PCDHGA3: variants seen among roughly 807,000 people sequenced by gnomAD.
PCDHGA3 encodes protocadherin gamma-A3.
PCDHGA3 carries 40 observed loss-of-function variants against 58.5 expected under a neutral mutation model. The ratio of observed to expected loss-of-function variants is 0.68; its 90% confidence interval spans 0.53 to 0.89. The LOEUF is 0.89. Among genes scored for constraint, PCDHGA3 ranks in the 40% least tolerant of loss-of-function variants. The pLI, the probability that PCDHGA3 is intolerant of heterozygous loss-of-function variation, is 0.00. For missense variants in PCDHGA3, 1,223 were observed against 1,195.9 expected (o/e 1.02, Z -0.33); for synonymous variants, 530 against 525.7 (o/e 1.01, Z -0.11).
rs1269856662 is a variant in PCDHGA3, at chr5:141,375,833, C to A, written c.2424+29376C>A. On this transcript the variant is annotated intron_variant, in intron 1 of 3. Coordinates refer to ENST00000253812, the MANE Select transcript of PCDHGA3 (RefSeq NM_018916.4). The stretch of plus-strand genomic sequence containing the variant: ...GGAGCTGGCGCCCCGCTCCGCAGAG[C>A]CCGGCTACCTGGTGACCAAGGTGGT... 6.2e-7 allele frequency: 1 copy of A among 1,614,034 alleles called. No homozygotes were observed. Among genetic ancestry groups the A allele is most frequent in the Non-Finnish European group, 8.5e-7 (1 of 1,180,048 alleles).
chr5:141,419,715 TG>T (rs754309862), intron 1 of PCDHGA3: 1 of 1,613,288 alleles, frequency 6.2e-7, no homozygotes, highest in South Asian at 1.1e-5. Flanking sequence ...CTCTTCAGCC[TG>T]GGGCTGCGAA....
At chr5:141,356,481 G>A in intron 1 of PCDHGA3, 1 of 1,613,916 alleles carries the variant, frequency 6.2e-7, no homozygotes, top group Non-Finnish European at 8.5e-7. Context: ...CCACTGACCA[G>A]GGAACTCCTC....
intron 1 of PCDHGA3, chr5:141,408,748 T>A (rs757813921): frequency 2.5e-6 from 4 of 1,608,714 alleles, no homozygotes; most frequent in Non-Finnish European, 3.4e-6. Flanking sequence ...CATTAATGGT[T>A]AGAGTTAATT....
chr5:141,489,830 A>G lies in PCDHGA3; in HGVS notation c.2425-4977A>G, dbSNP rs760376311. On this transcript the variant is annotated intron_variant, in intron 1 of 3. Coordinates refer to ENST00000253812, the MANE Select transcript of PCDHGA3 (RefSeq NM_018916.4). The surrounding 1 kb of genome is among the most constrained non-coding windows in gnomAD (Gnocchi z 4.5). ...AAGCCATTCCCAGAGCTGGTGCTAG[A>G]GCAGCAGCTGGATCGTGAAGCCCAG... 1.9e-6 allele frequency: 3 copies of G among 1,614,200 alleles called. No individual in the cohort carries two copies. Among genetic ancestry groups the G allele is most frequent in the East Asian group, 2.2e-5 (1 of 44,878 alleles).
chr5:141,489,991 A>G lies in PCDHGA3; in HGVS notation c.2425-4816A>G, dbSNP rs1157441385. On this transcript the variant is annotated intron_variant, in intron 1 of 3. Coordinates refer to ENST00000253812, the MANE Select transcript of PCDHGA3 (RefSeq NM_018916.4). The surrounding 1 kb of genome is among the most constrained non-coding windows in gnomAD (Gnocchi z 4.5). Reference sequence around the variant, plus strand: ...CCAATCCTCAGTTCTACGTGTGGGAATCCCAGAGAATGCACCCATTGGTAC... The same window carrying G: ...CCAATCCTCAGTTCTACGTGTGGGAGTCCCAGAGAATGCACCCATTGGTAC... The G allele has an allele frequency of 6.2e-7, 1 of 1,614,228 alleles. No individual in the cohort carries two copies. Among genetic ancestry groups the G allele is most frequent in the South Asian group, 1.1e-5 (1 of 91,090 alleles).
intron 1 of PCDHGA3, among the ~76,000 whole-genome samples, chr5:141,488,839 G>A (rs954244872): frequency 2.6e-5 from 4 of 152,206 alleles, no homozygotes; most frequent in African/African-American, 9.6e-5. Flanking sequence ...CAAGGGGGCT[G>A]AATCAACCTG....
At chr5:141,503,263 C>T (rs2099818883) in intron 2 of PCDHGA3, among the ~76,000 whole-genome samples, 2 of 152,212 alleles carry the variant, frequency 1.3e-5, no homozygotes, top group South Asian at 4.2e-4. Context: ...GCCACAACCC[C>T]AGCACCTGGC....
intron 1 of PCDHGA3, chr5:141,400,251 C>T (rs2093990443): frequency 6.2e-7 from 1 of 1,614,014 alleles, no homozygotes; most frequent in Non-Finnish European, 8.5e-7. Flanking sequence ...TGGCCGTTGC[C>T]TTGCGCCTGC....
intron 1 of PCDHGA3, among the ~76,000 whole-genome samples, chr5:141,488,398 A>T (rs2099675065): frequency 6.6e-6 from 1 of 152,192 alleles, no homozygotes; most frequent in African/African-American, 2.4e-5. Flanking sequence ...GAAACCATGA[A>T]ACCTAGAAGC....
intron 2 of PCDHGA3, among the ~76,000 whole-genome samples, chr5:141,495,700 T>A (rs2099763052): frequency 6.6e-6 from 1 of 152,228 alleles, no homozygotes; most frequent in Non-Finnish European, 1.5e-5. Flanking sequence ...GCTCAATAAA[T>A]GTGGAGTGAG....
chr5:141,350,959 T>C, intron 1 of PCDHGA3: 3 of 1,614,092 alleles, frequency 1.9e-6, no homozygotes, highest in Non-Finnish European at 2.5e-6. Context: ...CGGATGCCAA[T>C]GATAATGCTC....
intron 1 of PCDHGA3, among the ~76,000 whole-genome samples, chr5:141,381,953 C>T (rs1588910432): frequency 1.3e-5 from 2 of 151,114 alleles, no homozygotes; most frequent in South Asian, 2.1e-4. Context: ...CCTCAGCCTC[C>T]TGAGTAGCTG....
At chr5:141,363,406 A>G (rs944963716) in intron 1 of PCDHGA3, among the ~76,000 whole-genome samples, 1 of 152,226 alleles carries the variant, frequency 6.6e-6, no homozygotes, top group African/African-American at 2.4e-5. Context: ...TAAAGATGAT[A>G]GCAGTAAATA....
chr5:141,370,460 C>T (rs373931690), intron 1 of PCDHGA3: 1 of 1,612,562 alleles, frequency 6.2e-7, no homozygotes, highest in Non-Finnish European at 8.5e-7. Context: ...TCTTCCTGCT[C>T]TCTTTGTTAG....
intron 1 of PCDHGA3, among the ~76,000 whole-genome samples, chr5:141,438,613 TATATATATATATATATATATATACAC>T (rs1192023297): frequency 0.026 from 946 of 36,486 alleles, 27 homozygotes; most frequent in African/African-American, 0.12. Flanking sequence ...TATATATATA[TATATATATATATATATATATATACAC>T]ACACACACAC....
chr5:141,502,037 C>T (rs2154593041), intron 2 of PCDHGA3, among the ~76,000 whole-genome samples: 1 of 152,302 alleles, frequency 6.6e-6, no homozygotes, highest in East Asian at 1.9e-4. Context: ...CGCCGCTTGC[C>T]TGCTCTCCCT....
chr5:141,422,414 A>G (rs2096646645), intron 1 of PCDHGA3: 1 of 1,604,894 alleles, frequency 6.2e-7, no homozygotes, highest in Admixed American at 1.7e-5. Context: ...TTTAAATTAG[A>G]AAAGACTTAT....
chr5:141,368,584 T>C (rs988612608), intron 1 of PCDHGA3, among the ~76,000 whole-genome samples: 1 of 152,088 alleles, frequency 6.6e-6, no homozygotes, highest in African/African-American at 2.4e-5. Context: ...GGGTAAGGTG[T>C]TTGGGAAAAA....
rs1317717658 is a variant in PCDHGA3, at chr5:141,476,494, G to A, written c.2425-18313G>A. On this transcript the variant is annotated intron_variant, in intron 1 of 3. Coordinates refer to ENST00000253812, the MANE Select transcript of PCDHGA3 (RefSeq NM_018916.4). The surrounding 1 kb of genome is among the most constrained non-coding windows in gnomAD (Gnocchi z 7.6). ...TGTTCAGCGTGGAAGTGGTGATCCA[G>A]GACATCAACGACAACAATCCTGCTT... The A allele has an allele frequency of 6.2e-7, 1 of 1,614,012 alleles. No individual in the cohort carries two copies. The highest frequency in any genetic ancestry group is 8.5e-7 in the Non-Finnish European group (1 of 1,179,988).
Sources: allele counts gnomAD v4.1 joint callset (sites outside exome capture counted in the v4.1 genomes callset), GRCh38; gene constraint gnomAD v4.1.1; non-coding constraint Gnocchi (gnomAD v3.1); transcripts MANE v1.5; gene names NCBI Gene and HGNC (gene_info 2026-07-23, HGNC 2026-07-21).